The following DACH1 variants were observed in gnomAD, a reference collection of about 807,000 sequenced individuals.
The protein encoded by DACH1 is dachshund homolog 1.
In DACH1, 12 loss-of-function variants were observed where a neutral mutation model predicts 54.2. That is an observed-to-expected ratio of 0.22 (90% CI 0.14 to 0.36). The LOEUF is 0.36. DACH1 is among the 10% of genes least tolerant of loss of function. DACH1 has a pLI of 1.00. For synonymous variants in DACH1, 386 were observed against 366.2 expected (o/e 1.05, Z -0.62); for missense variants, 805 against 929.8 (o/e 0.87, Z 1.75).
chr13:71,686,094 G>A (rs939449577), intron 1 of DACH1, among the ~76,000 whole-genome samples: 1 of 152,156 alleles, frequency 6.6e-6, no homozygotes, highest in Non-Finnish European at 1.5e-5. Flanking sequence ...AGAGCAAGCT[G>A]AACTCTCCTA....
chr13:71,496,269 A>ATGTG (rs1301320067), intron 6 of DACH1, among the ~76,000 whole-genome samples: 9 of 64,818 alleles, frequency 1.4e-4, no homozygotes, highest in African/African-American at 4.7e-4. Flanking sequence ...ATGTATATAT[A>ATGTG]TATATATATA....
chr13:71,702,119 G>A (rs1882167646), intron 1 of DACH1, among the ~76,000 whole-genome samples: 2 of 151,976 alleles, frequency 1.3e-5, no homozygotes, highest in African/African-American at 4.8e-5. Context: ...AGTTTTAAAA[G>A]TTACGCAAGT....
chr13:71,729,194 C>A (rs552906384), intron 1 of DACH1, among the ~76,000 whole-genome samples: 2 of 152,026 alleles, frequency 1.3e-5, no homozygotes, highest in South Asian at 4.1e-4. Context: ...TGTTTCATGT[C>A]CCAGAGTGCA....
chr13:71,724,717 G>C (rs1404655525), intron 1 of DACH1, among the ~76,000 whole-genome samples: 1 of 152,106 alleles, frequency 6.6e-6, no homozygotes, highest in Non-Finnish European at 1.5e-5. Context: ...GTTATGCCTA[G>C]AGTTTTAAAC....
At chr13:71,651,580 G>C (rs1449047574) in intron 2 of DACH1, among the ~76,000 whole-genome samples, 1 of 152,100 alleles carries the variant, frequency 6.6e-6, no homozygotes, top group Non-Finnish European at 1.5e-5. Flanking sequence ...AGAATCACTT[G>C]AGGCCAGGAA....
chr13:71,862,411 G>C (rs1165520100), intron 1 of DACH1, among the ~76,000 whole-genome samples: 4 of 152,012 alleles, frequency 2.6e-5, no homozygotes, highest in Admixed American at 2.0e-4. Flanking sequence ...CAACAGCCAA[G>C]TTCATGCAAC....
intron 3 of DACH1, among the ~76,000 whole-genome samples, chr13:71,601,615 CAAAACA>C (rs2138492170): frequency 6.6e-6 from 1 of 151,846 alleles, no homozygotes; most frequent in African/African-American, 2.4e-5. Flanking sequence ...TTTTTCTAAA[CAAAACA>C]AAAACAAAAA....
intron 1 of DACH1, among the ~76,000 whole-genome samples, chr13:71,812,292 G>T (rs140433117): frequency 6.6e-6 from 1 of 152,160 alleles, no homozygotes; most frequent in African/African-American, 2.4e-5. Context: ...TATCAGCACA[G>T]TACATTCTGA....
chr13:71,749,596 T>A (rs7327310), intron 1 of DACH1, among the ~76,000 whole-genome samples: 128,635 of 152,084 alleles, frequency 0.85, 55,106 homozygotes, highest in Non-Finnish European at 0.92. Context: ...AATTTACCTT[T>A]TTCAGCCTCT....
intron 2 of DACH1, among the ~76,000 whole-genome samples, chr13:71,647,482 A>C (rs938680411): frequency 7.9e-5 from 12 of 152,202 alleles, no homozygotes; most frequent in Non-Finnish European, 1.5e-4. Context: ...CAGGAATCCA[A>C]CTAAAAAAGA....
intron 6 of DACH1, among the ~76,000 whole-genome samples, chr13:71,533,862 T>C (rs1249812768): frequency 6.6e-6 from 1 of 151,984 alleles, no homozygotes; most frequent in Non-Finnish European, 1.5e-5. Context: ...GTATTTTTTA[T>C]TGGTATTTCA....
chr13:71,696,655 C>A (rs1249901771), intron 1 of DACH1, among the ~76,000 whole-genome samples: 1 of 151,778 alleles, frequency 6.6e-6, no homozygotes, highest in Non-Finnish European at 1.5e-5. Context: ...TCAAGTGATT[C>A]TCCTGCCTCA....
At chr13:71,744,515 G>A (rs1358116716) in intron 1 of DACH1, among the ~76,000 whole-genome samples, 1 of 152,128 alleles carries the variant, frequency 6.6e-6, no homozygotes, top group East Asian at 1.9e-4. Context: ...GATGCAGTAG[G>A]GGAATTAGTG....
At chr13:71,489,218 C>T (rs1029319992) in intron 6 of DACH1, 70 bp from the exon 7 acceptor site, 3 of 1,513,346 alleles carry the variant, frequency 2.0e-6, no homozygotes, top group African/African-American at 2.8e-5. Flanking sequence ...TCAGTAATGG[C>T]TTCCCTAGTG....
At chr13:71,821,477 C>A (rs951436702) in intron 1 of DACH1, among the ~76,000 whole-genome samples, 2 of 151,652 alleles carry the variant, frequency 1.3e-5, no homozygotes, top group Non-Finnish European at 1.5e-5. Context: ...AATTTAAATT[C>A]TAAGATTTTA....
At chr13:71,685,694 A>G (rs1594095957) in intron 1 of DACH1, among the ~76,000 whole-genome samples, 2 of 152,270 alleles carry the variant, frequency 1.3e-5, no homozygotes, top group South Asian at 4.1e-4. Context: ...ACTGTAAAAT[A>G]ATTGAATATT....
chr13:71,677,108 A>G (rs1247544986), intron 2 of DACH1, among the ~76,000 whole-genome samples: 2 of 150,364 alleles, frequency 1.3e-5, no homozygotes, highest in African/African-American at 5.0e-5. Flanking sequence ...TCCAAATTGC[A>G]TTCCTGGACA....
At chr13:71,660,827 A>G (rs544446758) in intron 2 of DACH1, among the ~76,000 whole-genome samples, 1 of 151,828 alleles carries the variant, frequency 6.6e-6, no homozygotes, top group African/African-American at 2.4e-5. Flanking sequence ...CCACTAATAA[A>G]AAGAGAGAAA....
intron 3 of DACH1, among the ~76,000 whole-genome samples, chr13:71,595,197 A>G (rs898560785): frequency 1.3e-5 from 2 of 152,218 alleles, no homozygotes; most frequent in African/African-American, 4.8e-5. Flanking sequence ...CTGGGATATT[A>G]GAGCAATGTT....
Sources: gnomAD v4.1 joint callset for allele counts (sites outside exome capture counted in the v4.1 genomes callset) on GRCh38, gnomAD v4.1.1 for gene constraint, MANE v1.5 for transcripts, NCBI Gene and HGNC (gene_info 2026-07-23, HGNC 2026-07-21) for gene names.